KCNH1: variants seen among roughly 807,000 people sequenced by gnomAD.
KCNH1 encodes the protein potassium voltage-gated channel subfamily H member 1.
In KCNH1, 27 loss-of-function variants were observed where a neutral mutation model predicts 69.2. The ratio of observed to expected loss-of-function variants is 0.39; its 90% CI spans 0.29 to 0.54. The LOEUF (loss-of-function observed/expected upper bound fraction) is 0.54, where lower values mean the gene tolerates loss of function less well. KCNH1 is among the 20% of genes least tolerant of loss of function. KCNH1 has a pLI of 0.68. For synonymous variants in KCNH1, 456 were observed against 487.7 expected, an observed-to-expected ratio of 0.93 and a Z score of 0.86; for missense variants, 798 against 1,261.6, an observed-to-expected ratio of 0.63 and a Z score of 5.57.
chr1:210,801,796 C>A (rs1337663625), intron 8 of KCNH1, among the ~76,000 whole-genome samples: 1 of 152,184 alleles, frequency 6.6e-6, no homozygotes, highest in Admixed American at 6.5e-5. Flanking sequence ...AAACAATAGG[C>A]GTAGTTGGGG....
intron 6 of KCNH1, among the ~76,000 whole-genome samples, chr1:210,998,372 A>G (rs1411294072): frequency 1.3e-5 from 2 of 152,232 alleles, no homozygotes; most frequent in Non-Finnish European, 2.9e-5. Context: ...CTAGTCTCTG[A>G]TAAAACAAAC....
chr1:210,988,811 C>T (rs1339747625), intron 6 of KCNH1, among the ~76,000 whole-genome samples: 1 of 152,140 alleles, frequency 6.6e-6, no homozygotes, highest in Admixed American at 6.5e-5. Flanking sequence ...AGAAGAAAAA[C>T]AAAATGAAAT....
At chr1:210,727,899 A>G (rs115611420) in intron 10 of KCNH1, among the ~76,000 whole-genome samples, 3,375 of 152,316 alleles carry the variant, frequency 0.022, 80 homozygotes, top group Admixed American at 0.068. Context: ...GATCTCAGTA[A>G]TCCTCCAAAC....
chr1:211,096,764 T>C (rs1691163537), intron 3 of KCNH1, among the ~76,000 whole-genome samples: 1 of 152,166 alleles, frequency 6.6e-6, no homozygotes, highest in Non-Finnish European at 1.5e-5. Flanking sequence ...CTCTGATGAA[T>C]TAAAATTTAA....
intron 6 of KCNH1, among the ~76,000 whole-genome samples, chr1:210,996,197 C>T (rs1178806177): frequency 1.3e-5 from 2 of 152,064 alleles, no homozygotes; most frequent in Admixed American, 6.5e-5. Context: ...TCGCCTCACT[C>T]GGGAAGCACA....
At chr1:210,717,692 G>A (rs904674768) in intron 10 of KCNH1, among the ~76,000 whole-genome samples, 1 of 152,198 alleles carries the variant, frequency 6.6e-6, no homozygotes, top group South Asian at 2.1e-4. Context: ...TGAGGCAGTG[G>A]ATGTACTCAG....
chr1:211,047,847 C>G (rs745828471), intron 5 of KCNH1, among the ~76,000 whole-genome samples: 1 of 150,920 alleles, frequency 6.6e-6, no homozygotes, highest in Non-Finnish European at 1.5e-5. Context: ...ACAAGGAACT[C>G]AAATCCGCAA....
At chr1:210,771,748 C>T (rs571863030) in intron 10 of KCNH1, among the ~76,000 whole-genome samples, 62 of 152,260 alleles carry the variant, frequency 4.1e-4, no homozygotes, top group African/African-American at 1.4e-3. Context: ...TTTCATCATC[C>T]GCATTTTACA....
At chr1:210,744,181 C>T (rs973156616) in intron 10 of KCNH1, among the ~76,000 whole-genome samples, 3 of 152,188 alleles carry the variant, frequency 2.0e-5, no homozygotes, top group African/African-American at 4.8e-5. Flanking sequence ...ATGCCCAAGC[C>T]CCAGCACCCC....
At chr1:211,023,386 T>C (rs1689625230) in intron 5 of KCNH1, among the ~76,000 whole-genome samples, 1 of 151,670 alleles carries the variant, frequency 6.6e-6, no homozygotes, top group Non-Finnish European at 1.5e-5. Flanking sequence ...AGCCAAGATA[T>C]AGAATCAACC....
At chr1:210,973,047 C>T (rs1039510355) in intron 6 of KCNH1, among the ~76,000 whole-genome samples, 1 of 151,956 alleles carries the variant, frequency 6.6e-6, no homozygotes, top group Admixed American at 6.6e-5. Context: ...GACTCCTAAT[C>T]ATGAACTTCA....
intron 7 of KCNH1, among the ~76,000 whole-genome samples, chr1:210,875,572 G>T (rs1406930887): frequency 6.6e-6 from 1 of 152,192 alleles, no homozygotes; most frequent in African/African-American, 2.4e-5. Context: ...GGAGGCCAAG[G>T]CGGGCGGATC....
At chr1:211,002,991 G>T (rs1051103784) in intron 6 of KCNH1, among the ~76,000 whole-genome samples, 1 of 152,098 alleles carries the variant, frequency 6.6e-6, no homozygotes, top group Non-Finnish European at 1.5e-5. Flanking sequence ...GCCAAATTTT[G>T]CCAGTGGCCT....
At chr1:210,872,676 T>G (rs1574309647) in intron 7 of KCNH1, among the ~76,000 whole-genome samples, 1 of 151,364 alleles carries the variant, frequency 6.6e-6, no homozygotes, top group Non-Finnish European at 1.5e-5. Context: ...AGTGGGGAGG[T>G]GCTACACACT....
At chr1:210,872,073 A>T (rs1320480462) in intron 7 of KCNH1, among the ~76,000 whole-genome samples, 10 of 150,752 alleles carry the variant, frequency 6.6e-5, no homozygotes, top group Admixed American at 5.9e-4. Context: ...TAAAAAAAAC[A>T]AAATATATAC....
At chr1:210,987,021 C>T (rs1353339242) in intron 6 of KCNH1, among the ~76,000 whole-genome samples, 2 of 152,146 alleles carry the variant, frequency 1.3e-5, no homozygotes, top group Admixed American at 6.5e-5. Flanking sequence ...CTTCTCACTT[C>T]ATTTCATTCA....
intron 5 of KCNH1, among the ~76,000 whole-genome samples, chr1:211,041,393 A>T (rs1689992553): frequency 6.6e-6 from 1 of 152,178 alleles, no homozygotes; most frequent in Admixed American, 6.5e-5. Flanking sequence ...AACCTCCAGA[A>T]CTAATCTATC....
chr1:210,866,412 A>G lies in KCNH1; in HGVS notation c.1462+53228T>C, dbSNP rs191426305. 1.8e-4 allele frequency among the ~76,000 whole-genome samples: 27 copies of G among 152,308 alleles called. No individual in the cohort carries two copies. In the East Asian group the frequency reaches 4.6e-3, roughly 26 times the overall value. ...CAGAATATATTACAAAAAACTCATA[A>G]CTCAATAGTGAAAAAATAACCCAAT... On this transcript the variant is annotated intron_variant, in intron 7 of 10. Transcript: ENST00000271751.
chr1:210,851,270 T>A (rs2884335), intron 7 of KCNH1, among the ~76,000 whole-genome samples: 1 of 152,188 alleles, frequency 6.6e-6, no homozygotes, highest in African/African-American at 2.4e-5. Flanking sequence ...TCTAGTGTGT[T>A]TGGGTACCTT....
Sources: allele counts gnomAD v4.1 joint callset (sites outside exome capture counted in the v4.1 genomes callset), GRCh38; gene constraint gnomAD v4.1.1; transcripts MANE v1.5; gene names NCBI Gene and HGNC (gene_info 2026-07-23, HGNC 2026-07-21).